Variants in THUMPD2 observed in about 807,000 individuals in gnomAD.
THUMPD2 encodes the protein U6 snRNA (guanine-N(2))-methyltransferase THUMPD2.
A neutral mutation model predicts 49.4 loss-of-function variants in THUMPD2; 56 were observed. The observed-to-expected ratio is 1.13, with a 90% CI of 0.91 to 1.41. THUMPD2 has a LOEUF of 1.41. THUMPD2 is among the 40% of genes most tolerant of loss of function. The probability of loss-of-function intolerance (pLI) is 0.00; values close to 1 mark genes in which losing one functional copy is unlikely to be tolerated. For synonymous variants in THUMPD2, 237 were observed against 205.2 expected, an observed-to-expected ratio of 1.15 and a Z score of -1.32; for missense variants, 709 against 594.5, an observed-to-expected ratio of 1.19 and a Z score of -2.00.
At chr2:39,779,079 C>T (rs891034057) in intron 1 of THUMPD2, 35 bp downstream of exon 1, 1 of 1,484,854 alleles carries the variant, frequency 6.7e-7, no homozygotes, top group African/African-American at 1.5e-5. Context: ...GACAGGGCCG[C>T]CCACCTCCCC....
chr2:39,773,324 C>T (rs563143308), intron 1 of THUMPD2, among the ~76,000 whole-genome samples: 39 of 151,834 alleles, frequency 2.6e-4, no homozygotes, highest in African/African-American at 8.2e-4. Flanking sequence ...TCTGGGGGAA[C>T]GAACTAAATA....
rs1465088157 is a variant in THUMPD2, at chr2:39,768,411, A to C, written c.750+13T>G. 6.3e-7 allele frequency: 1 copy of C among 1,599,792 alleles called. No individual in the cohort carries two copies. Among genetic ancestry groups the C allele is most frequent in the East Asian group, 2.2e-5 (1 of 44,710 alleles). The stretch of plus-strand genomic sequence containing the variant: ...AGGTTACAAGTATATAAAATAAAAC[A>C]AATACTCATTACCTCTAATTGTGGA... On this transcript the variant is annotated intron_variant, in intron 4 of 9. Coordinates refer to ENST00000505747, the MANE Select transcript of THUMPD2 (RefSeq NM_025264.5).
intron 8 of THUMPD2, among the ~76,000 whole-genome samples, chr2:39,747,115 T>C (rs958208588): frequency 5.3e-5 from 8 of 152,328 alleles, no homozygotes; most frequent in African/African-American, 1.9e-4. Flanking sequence ...TATTTCAAAA[T>C]GTTTGTCCTT....
chr2:39,761,521 C>T, intron 5 of THUMPD2, 103 bp from the exon 6 acceptor site: 1 of 1,072,858 alleles, frequency 9.3e-7, no homozygotes, highest in Non-Finnish European at 1.4e-6. Context: ...CATATTCATC[C>T]AACATACACT....
intron 8 of THUMPD2, among the ~76,000 whole-genome samples, chr2:39,753,848 G>C (rs1675747790): frequency 6.6e-6 from 1 of 152,164 alleles, no homozygotes; most frequent in Admixed American, 6.5e-5. Flanking sequence ...AGTTGCAACA[G>C]TCTCTTTCTA....
chr2:39,769,133 G>A (rs1302130210), intron 3 of THUMPD2: 1 of 1,278,698 alleles, frequency 7.8e-7, no homozygotes, highest in South Asian at 1.3e-5. Context: ...AAGCTGAACT[G>A]AAGAGAAACC....
Position 39,769,807 on chromosome 2 carries a change from T to C in THUMPD2, c.575A>G (p.Asp192Gly), listed in dbSNP as rs1467252056. 1 of 1,611,648 alleles carries C rather than the reference T, an allele frequency of 6.2e-7. No individual in the cohort carries two copies. The highest frequency in any genetic ancestry group is 1.3e-5 in the African/African-American group (1 of 74,506). The change falls in exon 3 of 10, where the codon GAC becomes GGC. Residue 192 changes from aspartate to glycine, a missense_variant. Asp to Gly is a moderately conservative substitution (Grantham distance 94). Coordinates refer to ENST00000505747, the MANE Select transcript of THUMPD2 (RefSeq NM_025264.5). ...EKFQEEEFQN[D>G]IEKAIDTHNQ... ...ATGAGTATCAATTGCTTTCTCTATG[T>C]CATTCTGAAATTCTTCTTCTTGAAA...
intron 4 of THUMPD2, chr2:39,766,356 A>G (rs952035835): frequency 1.7e-5 from 5 of 298,270 alleles, no homozygotes; most frequent in African/African-American, 6.6e-5. Context: ...GTCATGTTAC[A>G]AAGAACTCAA....
chr2:39,770,099 G>A lies in THUMPD2; in HGVS notation c.283C>T (p.Gln95Ter), dbSNP rs753724385. Residue 95 changes from glutamine (Q) to a stop codon, truncating the protein, a stop_gained, in exon 3 of 10, where the codon CAA (glutamine) becomes TAA (stop). Coordinates refer to ENST00000505747, the MANE Select transcript of THUMPD2 (RefSeq NM_025264.5). LOFTEE classifies it high-confidence loss of function. ...VSKGKIFNEMQRLINEDPGSW... is the reference protein window; with the variant it reads ...VSKGKIFNEM The stretch of plus-strand genomic sequence containing the variant: ...CCTGGATCTTCATTTATAAGTCTTT[G>A]CATTTCATTAAATATTTTTCCTAAA... 6.7e-7 allele frequency: 1 copy of A among 1,497,828 alleles called. No individual in the cohort carries two copies. The highest frequency in any genetic ancestry group is 8.8e-7 in the Non-Finnish European group (1 of 1,133,530). The allele number at this position is 1,497,828 out of a possible 1,614,324, so 92.8% of individuals were successfully genotyped here.
In THUMPD2 at chr2:39,747,925, C is replaced by T. The variant is rs146683208; in HGVS notation, c.1079-3447G>A. ...TTTCATTCCATTCCATTCTAGACTA[C>T]AAATTTATCCAATTACAATAAGGAA... On this transcript the variant is annotated intron_variant, in intron 8 of 9. Coordinates refer to ENST00000505747, the MANE Select transcript of THUMPD2 (RefSeq NM_025264.5). Among the ~76,000 whole-genome samples, 7 of 152,254 alleles carry T rather than the reference C, an allele frequency of 4.6e-5. No homozygotes were observed. In the East Asian group the frequency reaches 1.3e-3, roughly 29 times the overall value.
At chr2:39,741,830 C>G (rs779651831) in intron 9 of THUMPD2, among the ~76,000 whole-genome samples, 1 of 152,084 alleles carries the variant, frequency 6.6e-6, no homozygotes, top group Non-Finnish European at 1.5e-5. Flanking sequence ...CATTTTCTAT[C>G]TAGGGCCTTA....
chr2:39,766,030 G>C, intron 5 of THUMPD2, 27 bp downstream of exon 5: 3 of 1,555,628 alleles, frequency 1.9e-6, no homozygotes, highest in Non-Finnish European at 2.6e-6. Context: ...TGTCTTATGG[G>C]ACAAACCGGA....
At chr2:39,765,855 T>C (rs1172133930) in intron 5 of THUMPD2, among the ~76,000 whole-genome samples, 2 of 152,178 alleles carry the variant, frequency 1.3e-5, no homozygotes, top group Non-Finnish European at 1.5e-5. Flanking sequence ...TGACCAAATA[T>C]TTCCCAGCTC....
chr2:39,739,470 C>G (rs1673607341), intron 9 of THUMPD2, among the ~76,000 whole-genome samples: 1 of 152,216 alleles, frequency 6.6e-6, no homozygotes, highest in Admixed American at 6.5e-5. Context: ...ACTTTTCTCT[C>G]ACTCTAAAGC....
intron 4 of THUMPD2, among the ~76,000 whole-genome samples, chr2:39,766,451 T>C (rs1053314093): frequency 6.6e-6 from 1 of 152,150 alleles, no homozygotes; most frequent in Non-Finnish European, 1.5e-5. Context: ...ATTTTCTAAA[T>C]CCACCCTCAT....
chr2:39,768,270 C>T (rs72938121), intron 4 of THUMPD2, among the ~76,000 whole-genome samples, 154 bp downstream of exon 4: 4,053 of 152,190 alleles, frequency 0.027, 173 homozygotes, highest in African/African-American at 0.092. Context: ...ACTATCTGTA[C>T]TATTCTACTG....
chr2:39,769,624 C>G, intron 3 of THUMPD2, 86 bp downstream of exon 3: 3 of 1,349,138 alleles, frequency 2.2e-6, no homozygotes, highest in Non-Finnish European at 2.9e-6. Context: ...ATCACCTGAA[C>G]CTGGGAGGTG....
intron 2 of THUMPD2, among the ~76,000 whole-genome samples, chr2:39,770,461 GT>G (rs1303243262): frequency 6.6e-6 from 1 of 151,870 alleles, no homozygotes; most frequent in Non-Finnish European, 1.5e-5. Flanking sequence ...TGAAATAATG[GT>G]GATCTTCCCT....
At chr2:39,762,912 T>C (rs1167507195) in intron 5 of THUMPD2, among the ~76,000 whole-genome samples, 2 of 151,954 alleles carry the variant, frequency 1.3e-5, no homozygotes, top group African/African-American at 2.4e-5. Flanking sequence ...TTTCTGCTAA[T>C]AGAAGTTTTT....
Sources: gnomAD v4.1 joint callset for allele counts (sites outside exome capture counted in the v4.1 genomes callset) on GRCh38, gnomAD v4.1.1 for gene constraint, MANE v1.5 for transcripts, NCBI Gene and HGNC (gene_info 2026-07-23, HGNC 2026-07-21) for gene names.